PIP4K2A: variants seen among roughly 807,000 people sequenced by gnomAD.
PIP4K2A encodes phosphatidylinositol 5-phosphate 4-kinase type-2 alpha.
PIP4K2A carries 14 observed loss-of-function variants against 42.9 expected under a neutral mutation model. The observed-to-expected ratio is 0.33, with a 90% CI of 0.22 to 0.51. The LOEUF is 0.51. Among genes scored for constraint, PIP4K2A ranks in the 20% least tolerant of loss-of-function variants. The pLI is 0.97. For missense variants in PIP4K2A, 434 were observed against 519.8 expected, an observed-to-expected ratio of 0.83 and a Z score of 1.61; for synonymous variants, 192 against 192.2, an observed-to-expected ratio of 1.00 and a Z score of 0.01.
At chr10:22,649,118 T>C (rs1464770695) in intron 1 of PIP4K2A, among the ~76,000 whole-genome samples, 1 of 152,234 alleles carries the variant, frequency 6.6e-6, no homozygotes, top group African/African-American at 2.4e-5. Flanking sequence ...TAAAAATTTA[T>C]CCAAAACTTC....
At chr10:22,542,116 A>G in intron 7 of PIP4K2A, 69 bp from the exon 8 acceptor site, 1 of 1,411,082 alleles carries the variant, frequency 7.1e-7, no homozygotes, top group Admixed American at 2.0e-5. Flanking sequence ...AAAGGAGACA[A>G]GCTCGGGTGA....
At chr10:22,668,097 G>A (rs1392955419) in intron 1 of PIP4K2A, among the ~76,000 whole-genome samples, 3 of 152,024 alleles carry the variant, frequency 2.0e-5, no homozygotes, top group Non-Finnish European at 2.9e-5. Flanking sequence ...GACTATAGGC[G>A]CGTGCTACCA....
chr10:22,672,770 CA>C (rs553470290), intron 1 of PIP4K2A, among the ~76,000 whole-genome samples: 11 of 152,294 alleles, frequency 7.2e-5, no homozygotes, highest in African/African-American at 2.6e-4. Context: ...TGAGTCACAC[CA>C]ACCGTAATTT....
At chr10:22,628,839 T>C (rs1434359958) in intron 1 of PIP4K2A, among the ~76,000 whole-genome samples, 9 of 152,178 alleles carry the variant, frequency 5.9e-5, no homozygotes, top group Non-Finnish European at 1.5e-5. Context: ...AGACTGTAAA[T>C]GCTTCTTATC....
At chr10:22,683,696 T>C (rs1389783897) in intron 1 of PIP4K2A, among the ~76,000 whole-genome samples, 1 of 152,138 alleles carries the variant, frequency 6.6e-6, no homozygotes, top group Admixed American at 6.6e-5. Context: ...GTGTTTATCA[T>C]GGTTTTTAAT....
chr10:22,689,461 C>T (rs1839820096), intron 1 of PIP4K2A, among the ~76,000 whole-genome samples: 1 of 152,060 alleles, frequency 6.6e-6, no homozygotes, highest in African/African-American at 2.4e-5. Flanking sequence ...TTTTTCGTGC[C>T]ATTATTCCCT....
chr10:22,658,028 A>G (rs1839135969), intron 1 of PIP4K2A, among the ~76,000 whole-genome samples: 1 of 152,238 alleles, frequency 6.6e-6, no homozygotes, highest in Non-Finnish European at 1.5e-5. Context: ...AGAAGTACAG[A>G]CAGGAAGAGA....
intron 1 of PIP4K2A, among the ~76,000 whole-genome samples, chr10:22,672,044 A>G (rs1839462434): frequency 6.6e-6 from 1 of 152,228 alleles, no homozygotes; most frequent in Non-Finnish European, 1.5e-5. Context: ...CTAACAACAA[A>G]AACAATATAA....
At chr10:22,636,567 A>C (rs777359298) in intron 1 of PIP4K2A, among the ~76,000 whole-genome samples, 2 of 152,116 alleles carry the variant, frequency 1.3e-5, no homozygotes, top group Non-Finnish European at 1.5e-5. Flanking sequence ...CACAGTCAAA[A>C]CTTATTATGC....
chr10:22,633,904 C>T (rs1422302903), intron 1 of PIP4K2A, among the ~76,000 whole-genome samples: 2 of 152,138 alleles, frequency 1.3e-5, no homozygotes, highest in South Asian at 2.1e-4. Context: ...GTGCTAGGAG[C>T]GTGGAGCTGC....
At chr10:22,617,410 T>C (rs547625789) in intron 1 of PIP4K2A, among the ~76,000 whole-genome samples, 2 of 152,372 alleles carry the variant, frequency 1.3e-5, no homozygotes, top group Admixed American at 1.3e-4. Flanking sequence ...CTAATTTATA[T>C]CATTTTTAAG....
chr10:22,632,886 ATT>A (rs1330728768), intron 1 of PIP4K2A, among the ~76,000 whole-genome samples: 3 of 152,194 alleles, frequency 2.0e-5, no homozygotes, highest in Admixed American at 2.0e-4. Flanking sequence ...TGAGTTTCAT[ATT>A]TTGTTTTATA....
intron 4 of PIP4K2A, among the ~76,000 whole-genome samples, chr10:22,589,110 C>A (rs1253200162): frequency 2.0e-5 from 3 of 152,218 alleles, no homozygotes; most frequent in African/African-American, 7.2e-5. Flanking sequence ...GAAGTTGGTA[C>A]TTCAATTCTG....
At chr10:22,602,395 A>T (rs1837805127) in intron 3 of PIP4K2A, among the ~76,000 whole-genome samples, 1 of 67,278 alleles carries the variant, frequency 1.5e-5, no homozygotes, top group Non-Finnish European at 3.0e-5. Context: ...CTCTGTCTAT[A>T]AAAAAAAAAA....
chr10:22,582,288 C>T (rs1341419568), intron 4 of PIP4K2A, among the ~76,000 whole-genome samples: 1 of 151,724 alleles, frequency 6.6e-6, no homozygotes, highest in Non-Finnish European at 1.5e-5. Context: ...GCCACCAGAC[C>T]TAGGTTTCCT....
intron 5 of PIP4K2A, among the ~76,000 whole-genome samples, chr10:22,572,187 T>C (rs1383772136): frequency 6.6e-6 from 1 of 152,202 alleles, no homozygotes; most frequent in East Asian, 1.9e-4. Flanking sequence ...AAACAGTCAG[T>C]GGGTAAACGT....
intron 1 of PIP4K2A, among the ~76,000 whole-genome samples, chr10:22,689,507 T>G (rs917438527): frequency 2.0e-5 from 3 of 152,186 alleles, no homozygotes; most frequent in Non-Finnish European, 4.4e-5. Context: ...ACATAGCACT[T>G]ACATTGTATT....
rs141665477 is a variant in PIP4K2A, at chr10:22,564,157, C to T, written c.678+3694G>A. On this transcript the variant is annotated intron_variant, in intron 6 of 9. Transcript: ENST00000376573. ...GTGTTAAGTCCTATAGGTGCAACAG[C>T]GGAACGGAAGATAGGTAAGTGAATG... Among the ~76,000 whole-genome samples, 776 of 152,282 alleles carry T rather than the reference C, an allele frequency of 5.1e-3. 9 individuals are homozygous for T. The highest frequency in any genetic ancestry group is 0.017 in the African/African-American group (715 of 41,536).
At chr10:22,685,174 A>G (rs1040408310) in intron 1 of PIP4K2A, among the ~76,000 whole-genome samples, 8 of 152,194 alleles carry the variant, frequency 5.3e-5, no homozygotes, top group African/African-American at 1.9e-4. Flanking sequence ...AGTACAACTT[A>G]TAATTACACA....
Sources: gnomAD v4.1 joint callset for allele counts (sites outside exome capture counted in the v4.1 genomes callset) on GRCh38, gnomAD v4.1.1 for gene constraint, MANE v1.5 for transcripts, NCBI Gene and HGNC (gene_info 2026-07-23, HGNC 2026-07-21) for gene names.